PDXDC1: variants seen among roughly 807,000 people sequenced by gnomAD.
The protein encoded by PDXDC1 is pyridoxal-dependent decarboxylase domain-containing protein 1.
Under a neutral mutation model 100.1 loss-of-function variants are expected in PDXDC1, and 42 were observed. That is an observed-to-expected ratio of 0.42 (90% confidence interval 0.33 to 0.54). The LOEUF is 0.54. PDXDC1 is among the 20% of genes least tolerant of loss of function. The pLI is 0.10. For missense variants in PDXDC1, 636 were observed against 979.2 expected (o/e 0.65, Z 4.68); for synonymous variants, 260 against 371.7 (o/e 0.70, Z 3.46).
chr16:14,996,620 C>A (rs1972036390), intron 1 of PDXDC1, among the ~76,000 whole-genome samples: 1 of 152,278 alleles, frequency 6.6e-6, no homozygotes, highest in Non-Finnish European at 1.5e-5. Context: ...AGCCTGTAAT[C>A]CCAGCAGAAG....
At chr16:15,117,333 T>G (rs1009019609) in intron 16 of PDXDC1, among the ~76,000 whole-genome samples, 4 of 124,074 alleles carry the variant, frequency 3.2e-5, no homozygotes, top group Non-Finnish European at 5.0e-5. Flanking sequence ...TGCTGGTGTA[T>G]GTACTTTCCA....
At chr16:15,074,603 C>G (rs956834081) in intron 16 of PDXDC1, 1 of 694,284 alleles carries the variant, frequency 1.4e-6, no homozygotes, top group African/African-American at 1.8e-5. Flanking sequence ...ATCTTAAACT[C>G]ATACTCAATA....
At chr16:15,130,225 T>C in intron 16 of PDXDC1, 10 of 1,551,236 alleles carry the variant, frequency 6.4e-6, no homozygotes, top group Non-Finnish European at 8.7e-6. Context: ...CGTACATGGC[T>C]TGGGGGCACG....
chr16:15,124,008 T>C (rs947924836), intron 16 of PDXDC1, among the ~76,000 whole-genome samples: 2 of 152,018 alleles, frequency 1.3e-5, no homozygotes, highest in African/African-American at 4.8e-5. Flanking sequence ...GTGTGTGGAC[T>C]TTAAATTCTG....
chr16:15,002,411 C>T (rs1356322710), intron 4 of PDXDC1, among the ~76,000 whole-genome samples: 1 of 152,298 alleles, frequency 6.6e-6, no homozygotes, highest in Non-Finnish European at 1.5e-5. Context: ...TCTATGCCCA[C>T]CCTCTCTAAT....
In PDXDC1 at chr16:15,126,767, C is replaced by G. The variant is rs1177743534; in HGVS notation, c.1400-12112C>G. 5.2e-5 allele frequency: 8 copies of G among 153,826 alleles called. No homozygotes were observed. In the East Asian group the frequency reaches 1.5e-3, roughly 30 times the overall value. The allele number at this position is 153,826 out of a possible 1,614,324, so 9.5% of individuals were successfully genotyped here. ...CGCCTCCTGGGTTCATGCCATTCTC[C>G]TGCCTCAGCCTCTCGAGTAGCTGGG... On this transcript the variant is annotated intron_variant, in intron 16 of 16. Coordinates refer to the PDXDC1 transcript ENST00000535621.
At chr16:15,077,591 G>C (rs35512524) in intron 16 of PDXDC1, among the ~76,000 whole-genome samples, 16,899 of 152,118 alleles carry the variant, frequency 0.11, 1,202 homozygotes, top group Non-Finnish European at 0.16. Context: ...CCTGTAATCC[G>C]AGCTCTTTGG....
At chr16:15,111,232 G>A in intron 16 of PDXDC1, among the ~76,000 whole-genome samples, 1 of 148,250 alleles carries the variant, frequency 6.7e-6, no homozygotes, top group Non-Finnish European at 1.5e-5. Context: ...CGAGGCAGGC[G>A]GATCACCTGA....
chr16:15,104,619 A>C (rs2046717953), intron 16 of PDXDC1: 1 of 1,598,708 alleles, frequency 6.3e-7, no homozygotes, highest in Admixed American at 1.7e-5. Context: ...CTTGAGGCTC[A>C]GGGAGTTATC....
chr16:15,017,792 C>CTTT (rs1245561796), intron 11 of PDXDC1, among the ~76,000 whole-genome samples: 1 of 146,308 alleles, frequency 6.8e-6, no homozygotes, highest in Non-Finnish European at 1.5e-5. Context: ...TAGGTTTTAA[C>CTTT]TTTTTTTTTT....
At chr16:15,145,540 C>T in the PDXDC1 span, among the ~76,000 whole-genome samples, 13 of 152,374 alleles carry the variant, frequency 8.5e-5, no homozygotes, top group Middle Eastern at 3.4e-3. Flanking sequence ...GATCATGGCG[C>T]TGCTAAGGTC....
At chr16:15,111,644 G>C (rs1455528325) in intron 16 of PDXDC1, among the ~76,000 whole-genome samples, 2 of 142,720 alleles carry the variant, frequency 1.4e-5, no homozygotes, top group African/African-American at 5.1e-5. Flanking sequence ...TGTAGTCCCA[G>C]CTACTCCGGA....
At position 15,130,438 on chromosome 16, in the gene PDXDC1, C is replaced by T. The variant is rs765649870; in HGVS notation, c.1400-8441C>T. The T allele has an allele frequency of 5.4e-6, 8 of 1,489,628 alleles. 1 individual carries two copies. In the South Asian group the frequency reaches 8.0e-5, roughly 15 times the overall value. 92.3% of individuals were successfully genotyped at this position (1,489,628 alleles called of 1,614,324 possible). A position where few individuals can be genotyped will look rare whatever the true frequency, so the allele number is the denominator to read the frequency against. On this transcript the variant is annotated intron_variant, in intron 16 of 16. Transcript: ENST00000535621. ...CTGGAGAGGTTCAGACGGTAACTCC[C>T]CACTGGGTCTCTGGTCCTGGGCAGG... is the stretch of plus-strand genomic sequence containing the variant.
chr16:15,129,887 C>A (rs1567304307), intron 16 of PDXDC1: 1 of 777,084 alleles, frequency 1.3e-6, no homozygotes, highest in Non-Finnish European at 2.3e-6. Flanking sequence ...CTCACCTGAG[C>A]CCCGGCCCCA....
At chr16:15,090,010 A>C (rs2046068450) in intron 16 of PDXDC1, among the ~76,000 whole-genome samples, 1 of 151,728 alleles carries the variant, frequency 6.6e-6, no homozygotes, top group South Asian at 2.1e-4. Flanking sequence ...GGAGTTCAAG[A>C]CCAGCCTGGC....
At chr16:15,041,003 C>T, downstream of PDXDC1, 1 of 1,126,360 alleles carries the variant, frequency 8.9e-7, no homozygotes, top group Non-Finnish European at 1.4e-6. Context: ...CATTGGTTTG[C>T]TGAATTAGAC....
At chr16:15,007,157 C>CTTTTTTTTTTTTTTTTTTT (rs56256230) in intron 6 of PDXDC1, among the ~76,000 whole-genome samples, 1 of 73,918 alleles carries the variant, frequency 1.4e-5, no homozygotes, top group Non-Finnish European at 2.3e-5. Context: ...AAGAGCATGA[C>CTTTTTTTTTTTTTTTTTTT]TTTTTTTTTT....
At chr16:15,022,904 AAAAAAC>A (rs1262935261) in intron 13 of PDXDC1, 150 bp downstream of exon 13, 16 of 709,114 alleles carry the variant, frequency 2.3e-5, no homozygotes, top group African/African-American at 1.8e-4. Flanking sequence ...AAAACGAAAC[AAAAAAC>A]AAAAACAAAA....
At chr16:14,996,914 G>A (rs1380179164) in intron 1 of PDXDC1, among the ~76,000 whole-genome samples, 16 of 152,280 alleles carry the variant, frequency 1.1e-4, no homozygotes, top group African/African-American at 2.9e-4. Context: ...TGTTTGAAAC[G>A]AAGCTGACTC....
Sources: allele counts gnomAD v4.1 joint callset (sites outside exome capture counted in the v4.1 genomes callset), GRCh38; gene constraint gnomAD v4.1.1; transcripts MANE v1.5; gene names NCBI Gene and HGNC (gene_info 2026-07-23, HGNC 2026-07-21).